The following MARCHF1 variants were observed in gnomAD, a reference collection of about 807,000 sequenced individuals.
MARCHF1 encodes E3 ubiquitin-protein ligase MARCHF1.
MARCHF1 carries 40 observed loss-of-function variants against 54.2 expected under a neutral mutation model. That is an observed-to-expected ratio of 0.74 (90% CI 0.57 to 0.96). The LOEUF (loss-of-function observed/expected upper bound fraction) is 0.96, where lower values mean the gene tolerates loss of function less well. MARCHF1 is among the 40% of genes least tolerant of loss of function. The pLI, the probability that MARCHF1 is intolerant of heterozygous loss-of-function variation, is 0.00. For synonymous variants in MARCHF1, 236 were observed against 236.3 expected (o/e 1.00, Z 0.01); for missense variants, 586 against 656.5 (o/e 0.89, Z 1.17).
chr4:164,340,405 T>TTATATACATACATCTATATATA (rs58808830), intron 1 of MARCHF1, among the ~76,000 whole-genome samples: 1 of 95,650 alleles, frequency 1.0e-5, no homozygotes, highest in African/African-American at 3.6e-5. Flanking sequence ...AGGCCTTGAT[T>TTATATACATACATCTATATATA]TATATATAGA....
chr4:164,363,348 C>G (rs1315540490), intron 1 of MARCHF1, among the ~76,000 whole-genome samples: 1 of 152,136 alleles, frequency 6.6e-6, no homozygotes, highest in East Asian at 1.9e-4. Flanking sequence ...TGAGATAACT[C>G]TTTCTCCTAA....
At chr4:164,212,684 C>CA (rs2111122903) in intron 1 of MARCHF1, among the ~76,000 whole-genome samples, 1 of 152,250 alleles carries the variant, frequency 6.6e-6, no homozygotes, top group East Asian at 1.9e-4. Flanking sequence ...CACTGATGTT[C>CA]AAGTCCCTTC....
intron 2 of MARCHF1, among the ~76,000 whole-genome samples, chr4:163,994,720 C>T (rs184385762): frequency 6.8e-6 from 1 of 147,546 alleles, no homozygotes; most frequent in African/African-American, 2.5e-5. Context: ...CTGGACCTAA[C>T]AGTCCTAATC....
chr4:163,622,616 C>A, intron 5 of MARCHF1, among the ~76,000 whole-genome samples: 1 of 152,100 alleles, frequency 6.6e-6, no homozygotes, highest in East Asian at 1.9e-4. Context: ...ACGTAGCAAA[C>A]ATCTGCACCG....
At chr4:164,176,540 C>A (rs1005323385) in intron 1 of MARCHF1, among the ~76,000 whole-genome samples, 1 of 152,052 alleles carries the variant, frequency 6.6e-6, no homozygotes, top group Non-Finnish European at 1.5e-5. Context: ...AAAATTAACT[C>A]CCTAGTGACA....
At chr4:163,673,707 G>A (rs879720004) in intron 5 of MARCHF1, among the ~76,000 whole-genome samples, 2 of 152,062 alleles carry the variant, frequency 1.3e-5, no homozygotes, top group Non-Finnish European at 2.9e-5. Flanking sequence ...TAAAGTACTT[G>A]CCATATACCA....
chr4:164,061,085 A>G (rs891578), intron 2 of MARCHF1, among the ~76,000 whole-genome samples: 123,163 of 152,052 alleles, frequency 0.81, 50,299 homozygotes, highest in Non-Finnish European at 0.85. Context: ...CATAATAAGA[A>G]ACTATTGCAG....
rs140612358 is a variant in MARCHF1 at position 163,965,026 on chromosome 4, A to C, written c.-39+23475T>G. Among the ~76,000 whole-genome samples, 627 of 152,152 alleles carry C rather than the reference A, an allele frequency of 4.1e-3. 6 individuals are homozygous for C. The highest frequency in any genetic ancestry group is 0.014 in the African/African-American group (576 of 41,536). On this transcript the variant is annotated intron_variant, in intron 3 of 9. Transcript: ENST00000514618. ...ACATTGCATGGCAAGGGTTCTATAC[A>C]AGCTTCAGAATTATGTCTGTAAATT...
chr4:163,673,008 A>T (rs1248673668), intron 5 of MARCHF1, among the ~76,000 whole-genome samples: 2 of 152,086 alleles, frequency 1.3e-5, no homozygotes, highest in Non-Finnish European at 2.9e-5. Flanking sequence ...ATCCAGGACA[A>T]TCTTCTCATC....
intron 7 of MARCHF1, among the ~76,000 whole-genome samples, chr4:163,605,947 C>A (rs948546946): frequency 6.6e-6 from 1 of 151,992 alleles, no homozygotes; most frequent in Non-Finnish European, 1.5e-5. Flanking sequence ...AGGAGAAATA[C>A]CTAATGTAGA....
intron 1 of MARCHF1, chr4:164,189,852 G>T (rs1731077637): frequency 1.9e-6 from 3 of 1,595,162 alleles, no homozygotes; most frequent in African/African-American, 1.3e-5. Flanking sequence ...TCCTCGTGGG[G>T]TCCCACAGAT....
chr4:164,228,463 A>C (rs529616819), intron 1 of MARCHF1, among the ~76,000 whole-genome samples: 5 of 152,296 alleles, frequency 3.3e-5, no homozygotes, highest in Admixed American at 2.0e-4. Flanking sequence ...ATAGTAGTTA[A>C]TCTGCATGTG....
chr4:163,786,339 G>T (rs950379874), intron 4 of MARCHF1, among the ~76,000 whole-genome samples: 2 of 151,790 alleles, frequency 1.3e-5, no homozygotes, highest in Non-Finnish European at 2.9e-5. Context: ...GGCATCAATC[G>T]ATTTGAGGCA....
intron 4 of MARCHF1, among the ~76,000 whole-genome samples, chr4:163,818,420 A>G (rs946977343): frequency 6.6e-6 from 1 of 151,928 alleles, no homozygotes; most frequent in South Asian, 2.1e-4. Flanking sequence ...GATTCTGTGG[A>G]ATTTTGTACA....
At chr4:163,722,520 G>C (rs1745507920) in intron 4 of MARCHF1, among the ~76,000 whole-genome samples, 1 of 152,192 alleles carries the variant, frequency 6.6e-6, no homozygotes, top group Non-Finnish European at 1.5e-5. Context: ...ATTTGGGGTG[G>C]AGAGTTCTAT....
At chr4:163,848,468 T>C (rs549520066) in intron 4 of MARCHF1, among the ~76,000 whole-genome samples, 1 of 152,334 alleles carries the variant, frequency 6.6e-6, no homozygotes, top group South Asian at 2.1e-4. Context: ...TTTAATCTTC[T>C]TGTTTTGACT....
chr4:163,851,915 T>G (rs944056671), intron 4 of MARCHF1, among the ~76,000 whole-genome samples: 1 of 152,204 alleles, frequency 6.6e-6, no homozygotes, highest in Non-Finnish European at 1.5e-5. Flanking sequence ...CAAGGAGAGC[T>G]GGCCAACACA....
At chr4:163,807,231 T>C (rs1039333634) in intron 4 of MARCHF1, among the ~76,000 whole-genome samples, 1 of 152,052 alleles carries the variant, frequency 6.6e-6, no homozygotes, top group Non-Finnish European at 1.5e-5. Flanking sequence ...AAAACATAAA[T>C]GACTAAAAAA....
intron 1 of MARCHF1, among the ~76,000 whole-genome samples, chr4:164,346,650 A>G (rs191246119): frequency 0.013 from 319 of 24,858 alleles, 17 homozygotes; most frequent in Middle Eastern, 0.043. Context: ...ATATATATAT[A>G]TATATATATA....
Sources: gnomAD v4.1 joint callset for allele counts (sites outside exome capture counted in the v4.1 genomes callset) on GRCh38, gnomAD v4.1.1 for gene constraint, MANE v1.5 for transcripts, NCBI Gene and HGNC (gene_info 2026-07-23, HGNC 2026-07-21) for gene names.